Variants in GALNTL6 observed in about 807,000 individuals in gnomAD.
GALNTL6 encodes the protein polypeptide N-acetylgalactosaminyltransferase like 6, also known as polypeptide N-acetylgalactosaminyltransferase-like 6.
GALNTL6 carries 46 observed loss-of-function variants against 73.7 expected under a neutral mutation model. The ratio of observed to expected loss-of-function variants is 0.62; its 90% CI spans 0.49 to 0.80. The LOEUF (loss-of-function observed/expected upper bound fraction) is 0.80. Ranked by LOEUF, GALNTL6 falls within the 30% of genes least tolerant of loss-of-function variation. The pLI, the probability that GALNTL6 is intolerant of heterozygous loss-of-function variation, is 0.00. For missense variants in GALNTL6, 604 were observed against 755.0 expected (o/e 0.80, Z 2.34); for synonymous variants, 259 against 263.7 (o/e 0.98, Z 0.17).
chr4:171,895,759 A>T (rs536956319), intron 2 of GALNTL6, among the ~76,000 whole-genome samples: 1 of 152,226 alleles, frequency 6.6e-6, no homozygotes, highest in Non-Finnish European at 1.5e-5. Context: ...TGAAATTAGT[A>T]GGAAAGAAAT....
intron 8 of GALNTL6, among the ~76,000 whole-genome samples, chr4:172,900,846 G>C (rs1295291587): frequency 2.0e-5 from 3 of 152,086 alleles, no homozygotes; most frequent in African/African-American, 7.2e-5. Flanking sequence ...GGATAAAGTT[G>C]CTATTGAAAA....
At chr4:171,920,185 C>T (rs1229099270) in intron 2 of GALNTL6, among the ~76,000 whole-genome samples, 1 of 151,652 alleles carries the variant, frequency 6.6e-6, no homozygotes, top group Non-Finnish European at 1.5e-5. Flanking sequence ...AAAATGAGAA[C>T]ACATGGACAC....
chr4:172,161,683 T>C (rs985612717), intron 2 of GALNTL6, among the ~76,000 whole-genome samples: 47 of 151,960 alleles, frequency 3.1e-4, no homozygotes, highest in African/African-American at 1.1e-3. Context: ...ACATGTTAAC[T>C]GGTAAAAGTA....
chr4:172,911,077 A>C (rs1189085005), intron 8 of GALNTL6, among the ~76,000 whole-genome samples: 1 of 152,256 alleles, frequency 6.6e-6, no homozygotes, highest in Non-Finnish European at 1.5e-5. Context: ...AAAGAACCTC[A>C]GTATTAATTC....
chr4:172,969,751 G>T (rs977321006), intron 10 of GALNTL6, among the ~76,000 whole-genome samples: 1 of 152,218 alleles, frequency 6.6e-6, no homozygotes, highest in African/African-American at 2.4e-5. Flanking sequence ...AAGTTCATGT[G>T]TTGGAAACGT....
chr4:172,000,318 A>G (rs924028522), intron 2 of GALNTL6, among the ~76,000 whole-genome samples: 1 of 152,216 alleles, frequency 6.6e-6, no homozygotes, highest in African/African-American at 2.4e-5. Context: ...AATTGCCCAA[A>G]GAATGTTCAT....
intron 3 of GALNTL6, among the ~76,000 whole-genome samples, chr4:172,273,454 G>A (rs1474391794): frequency 6.6e-6 from 1 of 152,064 alleles, no homozygotes; most frequent in East Asian, 1.9e-4. Context: ...TTGGTGGAGG[G>A]GCAGTCGGAA....
At chr4:172,402,503 A>T (rs1744078604) in intron 5 of GALNTL6, among the ~76,000 whole-genome samples, 1 of 152,144 alleles carries the variant, frequency 6.6e-6, no homozygotes, top group South Asian at 2.1e-4. Context: ...ACGGTGAAGG[A>T]TACAATTTTA....
chr4:172,947,862 T>A (rs1749248486), intron 9 of GALNTL6, among the ~76,000 whole-genome samples: 1 of 152,188 alleles, frequency 6.6e-6, no homozygotes. Flanking sequence ...GTATATGATT[T>A]TCCTATTTCC....
intron 5 of GALNTL6, among the ~76,000 whole-genome samples, chr4:172,698,616 C>T (rs772498373): frequency 1.7e-4 from 26 of 152,128 alleles, no homozygotes; most frequent in Non-Finnish European, 2.9e-4. Context: ...GGATTCTTAA[C>T]GATGATTCAG....
intron 2 of GALNTL6, among the ~76,000 whole-genome samples, chr4:172,195,746 C>A (rs1194626082): frequency 6.6e-6 from 1 of 152,110 alleles, no homozygotes; most frequent in Admixed American, 6.5e-5. Flanking sequence ...CTAATTAGAA[C>A]AAAGAAACAA....
intron 2 of GALNTL6, among the ~76,000 whole-genome samples, chr4:172,106,036 A>G (rs1252346396): frequency 6.6e-6 from 1 of 152,234 alleles, no homozygotes; most frequent in Non-Finnish European, 1.5e-5. Context: ...CTTTCAAACT[A>G]CAATGTAACT....
intron 5 of GALNTL6, among the ~76,000 whole-genome samples, chr4:172,586,099 C>T (rs1027450001): frequency 5.9e-5 from 9 of 152,084 alleles, no homozygotes; most frequent in Admixed American, 3.3e-4. Context: ...AAGACAGTGC[C>T]GTGATTCCTT....
At chr4:172,298,300 C>A (rs1739764822) in intron 3 of GALNTL6, among the ~76,000 whole-genome samples, 1 of 152,184 alleles carries the variant, frequency 6.6e-6, no homozygotes. Context: ...CATCTACAAA[C>A]AGGGACAATT....
chr4:172,453,861 A>G (rs956833603), intron 5 of GALNTL6, among the ~76,000 whole-genome samples: 1 of 152,242 alleles, frequency 6.6e-6, no homozygotes, highest in Admixed American at 6.5e-5. Context: ...GTACTAAATG[A>G]CAGCAAGAAA....
intron 5 of GALNTL6, among the ~76,000 whole-genome samples, chr4:172,450,761 A>G (rs1732180879): frequency 6.6e-6 from 1 of 152,234 alleles, no homozygotes; most frequent in African/African-American, 2.4e-5. Flanking sequence ...TAACACTTGC[A>G]GATTATCTGC....
intron 5 of GALNTL6, among the ~76,000 whole-genome samples, chr4:172,661,683 CCAAAGAGCA>C (rs1425866656): frequency 6.6e-6 from 1 of 152,118 alleles, no homozygotes; most frequent in African/African-American, 2.4e-5. Flanking sequence ...AATGTCTCTT[CCAAAGAGCA>C]CATGCCAATT....
At chr4:172,688,758 C>T (rs1733084182) in intron 5 of GALNTL6, among the ~76,000 whole-genome samples, 5 of 152,214 alleles carry the variant, frequency 3.3e-5, no homozygotes, top group Admixed American at 3.3e-4. Context: ...GTATACCATA[C>T]TTGGATCTGT....
chr4:172,273,792 T>C (rs1471376077), intron 3 of GALNTL6, among the ~76,000 whole-genome samples: 2 of 152,000 alleles, frequency 1.3e-5, no homozygotes, highest in African/African-American at 2.4e-5. Flanking sequence ...CAACAAGATA[T>C]TGAAGATGTG....
Sources: gnomAD v4.1 joint callset for allele counts (sites outside exome capture counted in the v4.1 genomes callset) on GRCh38, gnomAD v4.1.1 for gene constraint, MANE v1.5 for transcripts, NCBI Gene and HGNC (gene_info 2026-07-23, HGNC 2026-07-21) for gene names.